The following FAF1 variants were observed in gnomAD, a reference collection of about 807,000 sequenced individuals.
FAF1 encodes the protein Fas associated factor 1, also known as FAS-associated factor 1.
A neutral mutation model predicts 92.5 loss-of-function variants in FAF1; 25 were observed. The observed-to-expected ratio is 0.27, with a 90% CI of 0.20 to 0.38. FAF1 has a LOEUF of 0.38. Ranked by LOEUF, FAF1 falls within the 10% of genes least tolerant of loss-of-function variation. The probability of loss-of-function intolerance (pLI) is 1.00; values close to 1 mark genes in which losing one functional copy is unlikely to be tolerated. For missense variants in FAF1, 636 were observed against 793.3 expected, an observed-to-expected ratio of 0.80 and a Z score of 2.38; for synonymous variants, 234 against 273.2, an observed-to-expected ratio of 0.86 and a Z score of 1.42.
rs544845700 is a variant in FAF1 at position 50,796,062 on chromosome 1, A to C, written c.161+5569T>G. On this transcript the variant is annotated intron_variant, in intron 3 of 18. Coordinates refer to ENST00000396153, the MANE Select transcript of FAF1 (RefSeq NM_007051.3). ...CCAGGTAAAAAAACAACAACAACAA[A>C]AAAAAACAAAAACAAAAAAAAACCC... 2.4e-3 allele frequency among the ~76,000 whole-genome samples: 364 copies of C among 152,232 alleles called. 3 individuals carry two copies. Among genetic ancestry groups the C allele is most frequent in the African/African-American group, 8.3e-3 (344 of 41,542 alleles).
At chr1:50,710,508 T>C (rs955485775) in intron 6 of FAF1, among the ~76,000 whole-genome samples, 1 of 152,238 alleles carries the variant, frequency 6.6e-6, no homozygotes, top group Admixed American at 6.5e-5. Context: ...GTGTCTAACA[T>C]GTAAAAGACC....
intron 1 of FAF1, among the ~76,000 whole-genome samples, chr1:50,910,705 T>C (rs1233245050): frequency 6.6e-6 from 1 of 151,828 alleles, no homozygotes; most frequent in Non-Finnish European, 1.5e-5. Flanking sequence ...ATTAATCTGG[T>C]GTGCCGTTCG....
intron 4 of FAF1, among the ~76,000 whole-genome samples, chr1:50,772,750 A>G (rs944076211): frequency 6.6e-6 from 1 of 152,164 alleles, no homozygotes; most frequent in African/African-American, 2.4e-5. Flanking sequence ...CCTATCAGGT[A>G]CTATGCTTAT....
intron 1 of FAF1, among the ~76,000 whole-genome samples, chr1:50,881,978 G>C (rs926354374): frequency 5.3e-5 from 8 of 152,144 alleles, no homozygotes; most frequent in Admixed American, 1.3e-4. Context: ...TGGAGATTAT[G>C]TATTTTAATG....
In FAF1 at chr1:50,599,806, G is replaced by C. The variant is rs529652973; in HGVS notation, c.745-3590C>G. Among the ~76,000 whole-genome samples the C allele has an allele frequency of 2.0e-5, 3 of 152,220 alleles. No homozygotes were observed. In the East Asian group the frequency reaches 5.8e-4, roughly 29 times the overall value. On this transcript the variant is annotated intron_variant, in intron 8 of 18. Transcript: ENST00000396153. ...ACAAATGATGGGCAGACAAACTGTG[G>C]TTATTTGGATTTGGTATTTAGACAA...
Position 50,618,624 on chromosome 1 carries a change from G to T in FAF1, c.745-22408C>A, listed in dbSNP as rs1427155085. Among the ~76,000 whole-genome samples the T allele has an allele frequency of 2.1e-4, 32 of 151,966 alleles. 1 individual carries two copies. Among genetic ancestry groups the T allele is most frequent in the Non-Finnish European group, 2.9e-5 (2 of 67,986 alleles). On this transcript the variant is annotated intron_variant, in intron 8 of 18. Coordinates refer to ENST00000396153, the MANE Select transcript of FAF1 (RefSeq NM_007051.3). ...GAATCTGGGTGCTCCAATGCTGGGTGAGCATATATTTAGGATAGTTAAGTC... is the reference window on the plus strand; with the variant it reads ...GAATCTGGGTGCTCCAATGCTGGGTTAGCATATATTTAGGATAGTTAAGTC...
chr1:50,660,968 G>A (rs1655344863), intron 7 of FAF1, among the ~76,000 whole-genome samples: 1 of 152,036 alleles, frequency 6.6e-6, no homozygotes, highest in South Asian at 2.1e-4. Flanking sequence ...CTAGGTACAG[G>A]AAAAGAGGTG....
chr1:50,691,250 C>CT (rs942286728), intron 7 of FAF1, among the ~76,000 whole-genome samples: 97 of 147,296 alleles, frequency 6.6e-4, no homozygotes, highest in African/African-American at 6.2e-4. Flanking sequence ...TCACTGTCAC[C>CT]TTTTTTTTTT....
chr1:50,683,544 T>A (rs1656518355), intron 7 of FAF1, among the ~76,000 whole-genome samples: 2 of 150,192 alleles, frequency 1.3e-5, no homozygotes, highest in African/African-American at 2.4e-5. Flanking sequence ...AAAAAAAAAA[T>A]TATATCCCAA....
intron 3 of FAF1, among the ~76,000 whole-genome samples, chr1:50,789,365 C>T (rs529351344): frequency 6.6e-6 from 1 of 152,198 alleles, no homozygotes; most frequent in East Asian, 1.9e-4. Context: ...AGTAAGATCC[C>T]GGACCCCCAA....
chr1:50,453,477 C>T (rs1323872504), intron 18 of FAF1, among the ~76,000 whole-genome samples: 1 of 152,192 alleles, frequency 6.6e-6, no homozygotes, highest in East Asian at 1.9e-4. Flanking sequence ...ATTACCAAAA[C>T]AGCAGGAGAT....
chr1:50,566,437 A>C (rs1267720235), intron 13 of FAF1, among the ~76,000 whole-genome samples: 2 of 152,126 alleles, frequency 1.3e-5, no homozygotes, highest in Non-Finnish European at 2.9e-5. Flanking sequence ...AAACATGATG[A>C]AATATATTTC....
chr1:50,527,384 T>C (rs1647864281), intron 15 of FAF1, among the ~76,000 whole-genome samples: 2 of 152,226 alleles, frequency 1.3e-5, no homozygotes, highest in Admixed American at 1.3e-4. Context: ...ATATTCCAGA[T>C]ACAAGTCCCT....
intron 15 of FAF1, among the ~76,000 whole-genome samples, chr1:50,520,383 T>C (rs1247671335): frequency 6.6e-6 from 1 of 152,120 alleles, no homozygotes; most frequent in Non-Finnish European, 1.5e-5. Flanking sequence ...CAACTGAGTA[T>C]CCTTCTCTGT....
chr1:50,460,477 T>C (rs1169560918), intron 18 of FAF1, among the ~76,000 whole-genome samples: 1 of 152,178 alleles, frequency 6.6e-6, no homozygotes, highest in Non-Finnish European at 1.5e-5. Flanking sequence ...ATATGTGTGT[T>C]AGATAAGCTT....
intron 15 of FAF1, among the ~76,000 whole-genome samples, chr1:50,517,105 T>A (rs1647246228): frequency 6.6e-6 from 1 of 152,204 alleles, no homozygotes; most frequent in Non-Finnish European, 1.5e-5. Flanking sequence ...AAAAGAGAAT[T>A]TAAGGCAGTA....
At chr1:50,766,265 A>G (rs1660567361) in intron 4 of FAF1, among the ~76,000 whole-genome samples, 3 of 152,352 alleles carry the variant, frequency 2.0e-5, no homozygotes, top group African/African-American at 7.2e-5. Context: ...GTTTTATAAT[A>G]TGAGAAATCA....
At chr1:50,703,289 C>T (rs1322293612) in intron 7 of FAF1, among the ~76,000 whole-genome samples, 1 of 152,050 alleles carries the variant, frequency 6.6e-6, no homozygotes, top group Non-Finnish European at 1.5e-5. Context: ...ACTAACTTTC[C>T]AATCATGCAA....
chr1:50,656,218 G>A lies in FAF1; in HGVS notation c.658-690C>T, dbSNP rs963917786. Among the ~76,000 whole-genome samples the A allele has an allele frequency of 3.3e-5, 5 of 151,844 alleles. No homozygotes were observed. The East Asian group carries it at 9.8e-4, about 30-fold the overall frequency. On this transcript the variant is annotated intron_variant, in intron 7 of 18. Transcript: ENST00000396153. ...CGTGGTGGCGGTGCCTATAATCCCA[G>A]CTACTTGGGAGGCTGAGGCAGGAGA... is the stretch of plus-strand genomic sequence containing the variant.
Sources: gnomAD v4.1 joint callset for allele counts (sites outside exome capture counted in the v4.1 genomes callset) on GRCh38, gnomAD v4.1.1 for gene constraint, MANE v1.5 for transcripts, NCBI Gene and HGNC (gene_info 2026-07-23, HGNC 2026-07-21) for gene names.